Variants in PCDHGA3 observed in about 807,000 individuals in gnomAD.
PCDHGA3 encodes protocadherin gamma subfamily A, 3.
In PCDHGA3, 40 loss-of-function variants were observed where a neutral mutation model predicts 58.5. The observed-to-expected ratio is 0.68, with a 90% CI of 0.53 to 0.89. The LOEUF (loss-of-function observed/expected upper bound fraction) is 0.89. Ranked by LOEUF, PCDHGA3 falls within the 40% of genes least tolerant of loss-of-function variation. The probability of loss-of-function intolerance (pLI) is 0.00; values close to 1 mark genes in which losing one functional copy is unlikely to be tolerated. For missense variants in PCDHGA3, 1,223 were observed against 1,195.9 expected (o/e 1.02, Z -0.33); for synonymous variants, 530 against 525.7 (o/e 1.01, Z -0.11).
chr5:141,499,261 GT>G (rs2099790689), intron 2 of PCDHGA3, among the ~76,000 whole-genome samples: 1 of 152,022 alleles, frequency 6.6e-6, no homozygotes, highest in South Asian at 2.1e-4. Context: ...TCTCCATTTG[GT>G]CCCTAGACTG....
chr5:141,470,019 C>G (rs2099219272), intron 1 of PCDHGA3, among the ~76,000 whole-genome samples: 1 of 152,154 alleles, frequency 6.6e-6, no homozygotes, highest in South Asian at 2.1e-4. Context: ...ATCCCAGCTA[C>G]TCGGGATGCT....
At chr5:141,426,096 T>C (rs1296875718) in intron 1 of PCDHGA3, among the ~76,000 whole-genome samples, 6 of 152,230 alleles carry the variant, frequency 3.9e-5, no homozygotes, top group Non-Finnish European at 8.8e-5. Flanking sequence ...GATATTCTGT[T>C]CAGTCACAGA....
intron 1 of PCDHGA3, among the ~76,000 whole-genome samples, chr5:141,347,659 C>T (rs150357114): frequency 2.0e-4 from 31 of 151,854 alleles, no homozygotes; most frequent in East Asian, 1.6e-3. Flanking sequence ...TGGTGGTGGG[C>T]GCCTGTAATC....
intron 1 of PCDHGA3, chr5:141,414,168 T>C: frequency 6.2e-7 from 1 of 1,605,598 alleles, no homozygotes; most frequent in Non-Finnish European, 8.5e-7. Context: ...GAGGAGCATA[T>C]CTTGCAACTG....
At chr5:141,365,038 C>T (rs1763692774) in intron 1 of PCDHGA3, 3 of 1,613,858 alleles carry the variant, frequency 1.9e-6, no homozygotes, top group Non-Finnish European at 2.5e-6. Flanking sequence ...TCGACGCAAA[C>T]GACAATGCGC....
intron 3 of PCDHGA3, chr5:141,507,010 G>A (rs371780810): frequency 1.3e-5 from 2 of 152,324 alleles, no homozygotes; most frequent in East Asian, 1.9e-4. Flanking sequence ...TGAGAGAACC[G>A]AGAAGGCACT....
rs544678317 is a variant in PCDHGA3, at chr5:141,430,911, A to C, written c.2425-63896A>C. The C allele has an allele frequency of 1.9e-5, 31 of 1,607,958 alleles. No homozygotes were observed. The Admixed American group carries it at 2.2e-4, about 11-fold the overall frequency. ...TCTAGGGTGGGCGACATCTCCAGGG[A>C]CCTGGGGCTGGAGCCCCGGGAGCTC... On this transcript the variant is annotated intron_variant, in intron 1 of 3. Transcript: ENST00000253812.
At chr5:141,502,400 C>T (rs964923206) in intron 2 of PCDHGA3, among the ~76,000 whole-genome samples, 2 of 151,748 alleles carry the variant, frequency 1.3e-5, no homozygotes, top group African/African-American at 4.8e-5. Flanking sequence ...AAAATGTCCC[C>T]GAACCTGGAT....
At chr5:141,420,634 G>A (rs891111955) in intron 1 of PCDHGA3, among the ~76,000 whole-genome samples, 2 of 152,080 alleles carry the variant, frequency 1.3e-5, no homozygotes, top group African/African-American at 4.8e-5. Context: ...CTCAATAAAG[G>A]AACCTTGTAA....
Position 141,346,313 on chromosome 5 carries a change from T to G in PCDHGA3, c.2280T>G (p.Thr760=). ...LQTYSHEVSL[T]ADSRKSHLIF... ...CCTATTCCCACGAGGTCTCCCTCAC[T>G]GCGGACTCGCGGAAGAGCCACCTGA... is the stretch of plus-strand genomic sequence containing the variant. Residue 760 remains threonine, a synonymous_variant, in exon 1 of 4, where the codon ACT becomes ACG. Coordinates refer to ENST00000253812, the MANE Select transcript of PCDHGA3 (RefSeq NM_018916.4). 6.2e-7 allele frequency: 1 copy of G among 1,614,188 alleles called. No individual in the cohort carries two copies. The highest frequency in any genetic ancestry group is 2.2e-5 in the East Asian group (1 of 44,870).
intron 1 of PCDHGA3, chr5:141,364,783 G>T (rs1763536521): frequency 6.2e-7 from 1 of 1,614,030 alleles, no homozygotes; most frequent in East Asian, 2.2e-5. Context: ...CAGGGACACG[G>T]TTAGTGCTTC....
chr5:141,378,013 A>G (rs2150121328), intron 1 of PCDHGA3: 1 of 152,212 alleles, frequency 6.6e-6, no homozygotes, highest in East Asian at 1.9e-4. Context: ...AATAAGCTCT[A>G]CTTATATTAT....
At position 141,376,211 on chromosome 5, in the gene PCDHGA3, G is replaced by T; in HGVS notation, c.2424+29754G>T. The T allele has an allele frequency of 6.2e-7, 1 of 1,614,180 alleles. No homozygotes were observed. Among genetic ancestry groups the T allele is most frequent in the South Asian group, 1.1e-5 (1 of 91,070 alleles). ...CTGCGTCTTCCTGGCCTTCGTCATC[G>T]TGCTGCTGGCGCTCAGACTGCAGCG... On this transcript the variant is annotated intron_variant, in intron 1 of 3. Transcript: ENST00000253812.
At chr5:141,387,566 T>C in intron 1 of PCDHGA3, 1 of 445,866 alleles carries the variant, frequency 2.2e-6, no homozygotes, top group Non-Finnish European at 4.0e-6. Context: ...GGCACACAAT[T>C]ATAATTATTG....
chr5:141,503,045 G>A (rs543484478), intron 2 of PCDHGA3, among the ~76,000 whole-genome samples: 1 of 151,702 alleles, frequency 6.6e-6, no homozygotes, highest in South Asian at 2.1e-4. Context: ...AGTTGAGACA[G>A]GGTTTCACCA....
At chr5:141,434,920 A>G (rs927245955) in intron 1 of PCDHGA3, among the ~76,000 whole-genome samples, 3 of 151,796 alleles carry the variant, frequency 2.0e-5, no homozygotes, top group East Asian at 1.9e-4. Flanking sequence ...ATTTATGTAC[A>G]TATATTTTAT....
At chr5:141,446,221 T>C (rs2098493855) in intron 1 of PCDHGA3, among the ~76,000 whole-genome samples, 1 of 152,164 alleles carries the variant, frequency 6.6e-6, no homozygotes, top group African/African-American at 2.4e-5. Flanking sequence ...AATATTGTTG[T>C]GTTGCCTGGC....
intron 1 of PCDHGA3, chr5:141,383,056 G>A (rs768364409): frequency 4.3e-6 from 7 of 1,613,906 alleles, no homozygotes; most frequent in Non-Finnish European, 5.9e-6. Context: ...CAAGGACCTG[G>A]GGCTGGAGCC....
intron 1 of PCDHGA3, chr5:141,403,034 G>T (rs1589474195): frequency 1.9e-6 from 3 of 1,614,096 alleles, no homozygotes; most frequent in East Asian, 2.2e-5. Flanking sequence ...GGAGGCCAGG[G>T]CCAGTCAGAT....
Sources: gnomAD v4.1 joint callset for allele counts (sites outside exome capture counted in the v4.1 genomes callset) on GRCh38, gnomAD v4.1.1 for gene constraint, MANE v1.5 for transcripts, NCBI Gene and HGNC (gene_info 2026-07-23, HGNC 2026-07-21) for gene names.